The following KHDRBS2 variants were observed in gnomAD, a reference collection of about 807,000 sequenced individuals.
The protein encoded by KHDRBS2 is KH domain-containing, RNA-binding, signal transduction-associated protein 2.
KHDRBS2 carries 26 observed loss-of-function variants against 44.3 expected under a neutral mutation model. The observed-to-expected ratio is 0.59, with a 90% CI of 0.43 to 0.81. The LOEUF (loss-of-function observed/expected upper bound fraction) is 0.81, where lower values mean the gene tolerates loss of function less well. Ranked by LOEUF, KHDRBS2 falls within the 40% of genes least tolerant of loss-of-function variation. The pLI, the probability that KHDRBS2 is intolerant of heterozygous loss-of-function variation, is 0.00. For synonymous variants in KHDRBS2, 194 were observed against 151.1 expected (o/e 1.28, Z -2.08); for missense variants, 476 against 433.1 (o/e 1.10, Z -0.88).
At chr6:61,574,443 A>G in the KHDRBS2 span, 22 of 1,445,446 alleles carry the variant, frequency 1.5e-5, no homozygotes, top group African/African-American at 2.6e-4. Context: ...TCAATTTACC[A>G]ATGCAAACAA....
chr6:61,624,080 A>G, the KHDRBS2 span, among the ~76,000 whole-genome samples: 122,926 of 152,124 alleles, frequency 0.81, 49,806 homozygotes, highest in Non-Finnish European at 0.84. Context: ...TAGAAGTAGC[A>G]GAAAGACATA....
intron 1 of KHDRBS2, among the ~76,000 whole-genome samples, chr6:62,261,831 A>T (rs1563152814): frequency 6.6e-6 from 1 of 151,794 alleles, no homozygotes; most frequent in Non-Finnish European, 1.5e-5. Context: ...ACAGCTCATA[A>T]ATTGTATAAT....
chr6:62,198,503 C>T (rs1448775779), intron 1 of KHDRBS2, among the ~76,000 whole-genome samples: 1 of 152,094 alleles, frequency 6.6e-6, no homozygotes, highest in African/African-American at 2.4e-5. Context: ...GGATAAATTC[C>T]TCGACACATA....
chr6:62,141,073 C>A (rs1812702614), intron 2 of KHDRBS2, among the ~76,000 whole-genome samples: 1 of 152,024 alleles, frequency 6.6e-6, no homozygotes, highest in African/African-American at 2.4e-5. Context: ...ATTTAATTCA[C>A]AGGATTAAGA....
chr6:61,939,079 A>ACC (rs1811606432), intron 4 of KHDRBS2, among the ~76,000 whole-genome samples: 1 of 152,094 alleles, frequency 6.6e-6, no homozygotes, highest in Non-Finnish European at 1.5e-5. Flanking sequence ...GGCTAGAGGT[A>ACC]AAAGATGCTG....
chr6:61,813,063 G>A (rs1292824040), intron 6 of KHDRBS2, among the ~76,000 whole-genome samples: 1 of 151,992 alleles, frequency 6.6e-6, no homozygotes, highest in Non-Finnish European at 1.5e-5. Context: ...AAGTAAATGT[G>A]TATATGTAAA....
intron 8 of KHDRBS2, among the ~76,000 whole-genome samples, chr6:61,689,361 G>A (rs146845217): frequency 1.1e-4 from 17 of 151,990 alleles, no homozygotes; most frequent in African/African-American, 3.4e-4. Context: ...TGATAAGACC[G>A]TGGGAACCCC....
rs1412549302 is a variant in KHDRBS2, at chr6:61,795,409, A to G, written c.811-62645T>C. Among the ~76,000 whole-genome samples the G allele has an allele frequency of 2.0e-5, 3 of 152,104 alleles. No homozygotes were observed. The South Asian group carries it at 6.2e-4, about 32-fold the overall frequency. On this transcript the variant is annotated intron_variant, in intron 6 of 8. Coordinates refer to ENST00000281156, the MANE Select transcript of KHDRBS2 (RefSeq NM_152688.4). ...AATCTCCTGCTGTAAAACATTTCTCAGCCAATAACTTGATGGGAACTCTAT... is the reference window on the plus strand; with the variant it reads ...AATCTCCTGCTGTAAAACATTTCTCGGCCAATAACTTGATGGGAACTCTAT...
chr6:61,765,780 A>C (rs1012915581), intron 6 of KHDRBS2, among the ~76,000 whole-genome samples: 16 of 152,144 alleles, frequency 1.1e-4, no homozygotes, highest in African/African-American at 3.4e-4. Context: ...TTCTGTTCAC[A>C]TAATGTATCA....
At chr6:62,097,466 C>T (rs369001381) in intron 2 of KHDRBS2, among the ~76,000 whole-genome samples, 1 of 151,864 alleles carries the variant, frequency 6.6e-6, no homozygotes, top group Non-Finnish European at 1.5e-5. Context: ...AAATTGACCC[C>T]TTTATCTTTG....
intron 4 of KHDRBS2, among the ~76,000 whole-genome samples, chr6:61,931,043 T>C (rs1208380422): frequency 6.6e-6 from 1 of 152,066 alleles, no homozygotes; most frequent in African/African-American, 2.4e-5. Flanking sequence ...TACATAATAA[T>C]GTGAATCAAC....
At chr6:61,855,732 C>T (rs1226662566) in intron 6 of KHDRBS2, among the ~76,000 whole-genome samples, 1 of 151,868 alleles carries the variant, frequency 6.6e-6, no homozygotes, top group Non-Finnish European at 1.5e-5. Flanking sequence ...ACTCAATGTC[C>T]TGGGGAACAG....
rs577330229 is a variant in KHDRBS2 at position 62,226,519 on chromosome 6, G to A, written c.92-49207C>T. 9.2e-5 allele frequency among the ~76,000 whole-genome samples: 14 copies of A among 152,242 alleles called. 1 individual carries two copies. Among genetic ancestry groups the A allele is most frequent in the Admixed American group, 5.9e-4 (9 of 15,292 alleles). The stretch of plus-strand genomic sequence containing the variant: ...CTCTGATGATAGTTTCTTTTGTTGT[G>A]CAGAAGATCTTTAGTTTAATTAGAT... On this transcript the variant is annotated intron_variant, in intron 1 of 8. Coordinates refer to ENST00000281156, the MANE Select transcript of KHDRBS2 (RefSeq NM_152688.4).
At chr6:61,633,744 G>T in the KHDRBS2 span, among the ~76,000 whole-genome samples, 10 of 151,764 alleles carry the variant, frequency 6.6e-5, no homozygotes, top group Non-Finnish European at 1.3e-4. Context: ...ACAAACACTG[G>T]AGCCCAAGGG....
chr6:61,746,942 A>C (rs1345913056), intron 6 of KHDRBS2, among the ~76,000 whole-genome samples: 2 of 152,104 alleles, frequency 1.3e-5, no homozygotes, highest in Non-Finnish European at 2.9e-5. Context: ...TGAACAGGCA[A>C]CCTACAGAAT....
At chr6:61,626,704 T>C in the KHDRBS2 span, among the ~76,000 whole-genome samples, 1 of 152,220 alleles carries the variant, frequency 6.6e-6, no homozygotes, top group South Asian at 2.1e-4. Context: ...TTTAGAAAAA[T>C]ATGCTGTCTA....
chr6:61,979,632 A>G (rs1773434198), intron 3 of KHDRBS2, among the ~76,000 whole-genome samples: 1 of 152,144 alleles, frequency 6.6e-6, no homozygotes, highest in Non-Finnish European at 1.5e-5. Context: ...TGCAGCCTGG[A>G]AATCCATTCT....
At chr6:61,663,526 T>TATATATATATATATATATATATATATAC in the KHDRBS2 span, among the ~76,000 whole-genome samples, 1 of 116,898 alleles carries the variant, frequency 8.6e-6, no homozygotes, top group Non-Finnish European at 1.8e-5. Flanking sequence ...TATATATATA[T>TATATATATATATATATATATATATATAC]GCAGCTGGGA....
intron 1 of KHDRBS2, among the ~76,000 whole-genome samples, chr6:62,239,290 T>C (rs1563116305): frequency 6.6e-6 from 1 of 152,172 alleles, no homozygotes; most frequent in Non-Finnish European, 1.5e-5. Context: ...AGCACAAGTA[T>C]GGCTGAGCAC....
Sources: allele counts gnomAD v4.1 joint callset (sites outside exome capture counted in the v4.1 genomes callset), GRCh38; gene constraint gnomAD v4.1.1; transcripts MANE v1.5; gene names NCBI Gene and HGNC (gene_info 2026-07-23, HGNC 2026-07-21).